The following NLRP14 variants were observed in gnomAD, a reference collection of about 807,000 sequenced individuals.
The protein encoded by NLRP14 is NACHT, LRR and PYD domains-containing protein 14.
A neutral mutation model predicts 94.7 loss-of-function variants in NLRP14; 105 were observed. That is an observed-to-expected ratio of 1.11 (90% CI 0.95 to 1.30). NLRP14 has a LOEUF of 1.30. Ranked by LOEUF, NLRP14 falls within the 50% of genes most tolerant of loss-of-function variation. The pLI, the probability that NLRP14 is intolerant of heterozygous loss-of-function variation, is 0.00. For synonymous variants in NLRP14, 508 were observed against 459.9 expected (o/e 1.10, Z -1.34); for missense variants, 1,362 against 1,254.1 (o/e 1.09, Z -1.30).
intron 4 of NLRP14, among the ~76,000 whole-genome samples, chr11:7,044,815 A>G (rs1407257389): frequency 1.3e-5 from 2 of 152,100 alleles, no homozygotes; most frequent in Non-Finnish European, 2.9e-5. Context: ...AACCATCTCT[A>G]TTTTTAAGAT....
At chr11:7,074,919 G>GA (rs1270605222), downstream of NLRP14, among the ~76,000 whole-genome samples, 1 of 152,112 alleles carries the variant, frequency 6.6e-6, no homozygotes, top group Non-Finnish European at 1.5e-5. Flanking sequence ...AACATTTGAA[G>GA]AAAAAAGGAA....
chr11:7,071,885 T>C (rs1031152332), downstream of NLRP14, among the ~76,000 whole-genome samples: 2 of 152,088 alleles, frequency 1.3e-5, no homozygotes, highest in Admixed American at 1.3e-4. Context: ...GAGTCACTAG[T>C]TTCAATAGAA....
At chr11:7,045,512 A>G (rs998307807) in intron 4 of NLRP14, among the ~76,000 whole-genome samples, 1 of 152,136 alleles carries the variant, frequency 6.6e-6, no homozygotes, top group Non-Finnish European at 1.5e-5. Flanking sequence ...GCTTTGTGAG[A>G]GCAGGAGCTC....
chr11:7,058,491 A>G (rs1381795973), intron 8 of NLRP14, 41 bp downstream of exon 8: 2 of 1,413,042 alleles, frequency 1.4e-6, no homozygotes, highest in Non-Finnish European at 1.0e-6. Context: ...TATATTGTAC[A>G]TTTTGAAATA....
In NLRP14 at chr11:7,071,262, G is replaced by A. The variant is rs199770411; in HGVS notation, c.3236G>A (p.Cys1079Tyr). The A allele has an allele frequency of 1.5e-5, 25 of 1,613,282 alleles. No homozygotes were observed. Among genetic ancestry groups the A allele is most frequent in the Non-Finnish European group, 2.0e-5 (24 of 1,179,474 alleles). The stretch of plus-strand genomic sequence containing the variant: ...CCACACTTAATCATTAAGCCAGATT[G>A]TAACTATCATAATGAAGAAGATGTG... The part of the protein sequence containing the change: ...SNPHLIIKPD[C>Y]NYHNEEDVSW... Residue 1079 changes from cysteine to tyrosine, a missense_variant, in exon 12 of 12, where the codon TGT becomes TAT. By Grantham distance (194) the Cys-to-Tyr change is radical (BLOSUM62 -2). Coordinates refer to ENST00000299481, the MANE Select transcript of NLRP14 (RefSeq NM_176822.4).
the NLRP14 span, among the ~76,000 whole-genome samples, chr11:7,082,639 C>T: frequency 1.3e-5 from 2 of 152,194 alleles, no homozygotes; most frequent in African/African-American, 4.8e-5. Context: ...ATTACAGAAC[C>T]CATTTATTTG....
At chr11:7,081,119 G>A in the NLRP14 span, among the ~76,000 whole-genome samples, 1 of 152,172 alleles carries the variant, frequency 6.6e-6, no homozygotes, top group African/African-American at 2.4e-5. Flanking sequence ...AAATGTTTCT[G>A]GTTGGAGATG....
chr11:7,090,386 G>A, the NLRP14 span: 1 of 1,423,476 alleles, frequency 7.0e-7, no homozygotes, highest in Non-Finnish European at 9.7e-7. Flanking sequence ...CCAAGGACTA[G>A]TACAAGGAAG....
chr11:7,043,020 G>C lies in NLRP14; in HGVS notation c.994G>C (p.Glu332Gln). ...HHYVELLGMS[E>Q]DAREEYIYQF... ...TTATGTAGAGCTACTAGGAATGTCT[G>C]AGGATGCAAGAGAGGAGTATATTTA... Residue 332 changes from glutamate to glutamine, a missense_variant, in exon 4 of 12, where the codon GAG (glutamate) becomes CAG (glutamine). Glu to Gln is a conservative substitution (Grantham distance 29). Transcript: ENST00000299481. 1 of 1,614,186 alleles carries C rather than the reference G, an allele frequency of 6.2e-7. No homozygotes were observed. The highest frequency in any genetic ancestry group is 8.5e-7 in the Non-Finnish European group (1 of 1,180,012).
At chr11:7,061,503 A>G (rs147493778) in intron 9 of NLRP14, among the ~76,000 whole-genome samples, 36 of 152,158 alleles carry the variant, frequency 2.4e-4, no homozygotes, top group African/African-American at 8.4e-4. Flanking sequence ...CTCTTAACCA[A>G]TATTTTCAAC....
intron 1 of NLRP14, among the ~76,000 whole-genome samples, chr11:7,031,002 G>A (rs1185151081): frequency 1.3e-5 from 2 of 152,220 alleles, no homozygotes; most frequent in African/African-American, 4.8e-5. Context: ...AATGGGAAGA[G>A]AGATTCGCTA....
At chr11:7,030,331 C>T (rs1362543379) in intron 1 of NLRP14, among the ~76,000 whole-genome samples, 2 of 152,190 alleles carry the variant, frequency 1.3e-5, no homozygotes, top group Non-Finnish European at 2.9e-5. Context: ...CTACTGTGGT[C>T]GATTTGACTC....
In NLRP14 at chr11:7,070,333, C is replaced by T. The variant is rs750277176; in HGVS notation, c.3023C>T (p.Ser1008Phe). 2 of 1,611,100 alleles carry T rather than the reference C, an allele frequency of 1.2e-6. No homozygotes were observed. Among genetic ancestry groups the T allele is most frequent in the South Asian group, 2.2e-5 (2 of 91,032 alleles). ...TCTCTCTGCTGTCAAGATCTCTCCTCTGCTCTTATCTGCAACAAAAGACTG... is the reference window on the plus strand; with the variant it reads ...TCTCTCTGCTGTCAAGATCTCTCCTTTGCTCTTATCTGCAACAAAAGACTG... ...LTSLCCQDLSSALICNKRLIK... is the reference protein window; with the variant it reads ...LTSLCCQDLSFALICNKRLIK... The change falls in exon 11 of 12, where the codon TCT (serine) becomes TTT (phenylalanine). Residue 1008 changes from serine to phenylalanine, a missense_variant. Ser to Phe is a radical substitution (Grantham distance 155). Transcript: ENST00000299481.
intron 10 of NLRP14, among the ~76,000 whole-genome samples, chr11:7,069,964 A>G (rs1852766705): frequency 1.3e-5 from 2 of 152,066 alleles, no homozygotes; most frequent in Non-Finnish European, 2.9e-5. Flanking sequence ...CCAAGCTTCC[A>G]ATATCTAGTT....
At chr11:7,039,359 AT>A in intron 2 of NLRP14, among the ~76,000 whole-genome samples, 1 of 22,690 alleles carries the variant, frequency 4.4e-5, no homozygotes, top group Admixed American at 4.6e-4. Flanking sequence ...CTTTAGAGTT[AT>A]ATATATATAT....
the NLRP14 span, among the ~76,000 whole-genome samples, chr11:7,086,699 A>AT: frequency 2.6e-5 from 4 of 151,920 alleles, no homozygotes; most frequent in African/African-American, 7.3e-5. Flanking sequence ...TGATCCTATC[A>AT]TTTTTTGCAG....
rs770551637 is a variant in NLRP14, at chr11:7,038,815, A to G, written c.229A>G (p.Lys77Glu). ...AGAGAAAGCCTGGAGTGTGTCTCTC[A>G]AAATCTTTGGCAAGATGAACCTGAA... ...PGEKAWSVSL[K>E]IFGKMNLKDL... Residue 77 changes from lysine (K) to glutamate (E), a missense_variant, in exon 2 of 12, where the codon AAA becomes GAA. Lys to Glu is a moderately conservative substitution (Grantham distance 56). Coordinates refer to ENST00000299481, the MANE Select transcript of NLRP14 (RefSeq NM_176822.4). 3 of 1,612,996 alleles carry G rather than the reference A, an allele frequency of 1.9e-6. No individual in the cohort carries two copies. The highest frequency in any genetic ancestry group is 2.2e-5 in the East Asian group (1 of 44,874).
intron 10 of NLRP14, 145 bp from the exon 11 acceptor site, chr11:7,070,141 A>G (rs1484913829): frequency 7.6e-6 from 5 of 655,122 alleles, no homozygotes; most frequent in Non-Finnish European, 1.4e-5. Flanking sequence ...TATTATAGGT[A>G]CTTATAGTCC....
At chr11:7,064,527 C>T (rs1367561341) in intron 10 of NLRP14, among the ~76,000 whole-genome samples, 1 of 152,030 alleles carries the variant, frequency 6.6e-6, no homozygotes, top group Non-Finnish European at 1.5e-5. Context: ...ATTGTTGCTG[C>T]TCTTCCCCTA....
Sources: gnomAD v4.1 joint callset for allele counts (sites outside exome capture counted in the v4.1 genomes callset) on GRCh38, gnomAD v4.1.1 for gene constraint, MANE v1.5 for transcripts, NCBI Gene and HGNC (gene_info 2026-07-23, HGNC 2026-07-21) for gene names.